The following MPPED1 variants were observed in gnomAD, a reference collection of about 807,000 sequenced individuals.
MPPED1 encodes metallophosphoesterase domain containing 1.
MPPED1 carries 16 observed loss-of-function variants against 36.2 expected under a neutral mutation model. The observed-to-expected ratio is 0.44, with a 90% confidence interval of 0.30 to 0.67. The LOEUF is 0.67. MPPED1 is among the 30% of genes least tolerant of loss of function. The pLI, the probability that MPPED1 is intolerant of heterozygous loss-of-function variation, is 0.10. For synonymous variants in MPPED1, 199 were observed against 191.3 expected (o/e 1.04, Z -0.33); for missense variants, 307 against 453.4 (o/e 0.68, Z 2.93).
Position 43,474,471 on chromosome 22 carries a change from A to G in MPPED1, c.407-265A>G, listed in dbSNP as rs1569081735. 6.6e-6 allele frequency among the ~76,000 whole-genome samples: 1 copy of G among 152,190 alleles called. No individual in the cohort carries two copies. The highest frequency in any genetic ancestry group is 2.4e-5 in the African/African-American group (1 of 41,448). ...AGCAGGTACCCCTGTCAGCGATTCC[A>G]GCAGCTTCCTCCTGCCCGCCCCTCT... On this transcript the variant is annotated intron_variant, in intron 3 of 6. Coordinates refer to ENST00000443721, the MANE Select transcript of MPPED1 (RefSeq NM_001044370.2). This position sits in a 1 kb window ranked among gnomAD's most constrained non-coding sequence, Gnocchi z 5.2.
chr22:43,431,021 A>ATTTTTTTTTTT (rs135076), intron 2 of MPPED1, among the ~76,000 whole-genome samples: 3 of 42,306 alleles, frequency 7.1e-5, no homozygotes, highest in Admixed American at 4.3e-4. Flanking sequence ...GTTGTTGTTA[A>ATTTTTTTTTTT]TTTTTTTTTT....
intron 5 of MPPED1, 113 bp downstream of exon 5, chr22:43,498,463 C>T: frequency 1.3e-6 from 1 of 742,228 alleles, no homozygotes; most frequent in Non-Finnish European, 2.1e-6. Flanking sequence ...GTTCTGAGTC[C>T]CACTTGCTGG....
intron 3 of MPPED1, among the ~76,000 whole-genome samples, chr22:43,471,330 G>C (rs1931368727): frequency 6.6e-6 from 1 of 152,210 alleles, no homozygotes; most frequent in South Asian, 2.1e-4. Flanking sequence ...CCCAACCCGA[G>C]CTGGGGGCTC....
chr22:43,506,114 G>A lies in MPPED1; in HGVS notation c.*498G>A, dbSNP rs1405961571. ...AAGTGAGGGAGGAGACAGGCCCAAG[G>A]CGGAGGCCCTCCGAGGGAGCATTTA... On this transcript the variant is annotated 3_prime_UTR_variant, in exon 7 of 7. Coordinates refer to ENST00000443721, the MANE Select transcript of MPPED1 (RefSeq NM_001044370.2). 6.5e-6 allele frequency: 1 copy of A among 153,446 alleles called. No homozygotes were observed. Among genetic ancestry groups the A allele is most frequent in the Non-Finnish European group, 1.5e-5 (1 of 68,724 alleles). 9.5% of individuals were successfully genotyped at this position (153,446 alleles called of 1,614,324 possible).
chr22:43,490,232 T>C (rs1311371449), intron 4 of MPPED1, among the ~76,000 whole-genome samples: 1 of 152,218 alleles, frequency 6.6e-6, no homozygotes, highest in Admixed American at 6.5e-5. Flanking sequence ...CATTTGGAGA[T>C]GTTCTCATGG....
rs1932791210 is a variant in MPPED1, at chr22:43,505,540, C to T, written c.905C>T (p.Ala302Val). The T allele has an allele frequency of 2.5e-6, 4 of 1,612,368 alleles. No individual in the cohort carries two copies. Among genetic ancestry groups the T allele is most frequent in the Non-Finnish European group, 3.4e-6 (4 of 1,179,324 alleles). Residue 302 changes from alanine to valine, a missense_variant, in exon 7 of 7, where the codon GCG (alanine) becomes GTG (valine). This residue lies in a region of MPPED1 where 132 missense variants were observed against 212.3 expected (regional missense o/e 0.62). Transcript: ENST00000443721. ...GATGGGACGACCACCTATGTGAATGCGTCCGTATGCACTGTGAACTACCAG... is the reference window on the plus strand; with the variant it reads ...GATGGGACGACCACCTATGTGAATGTGTCCGTATGCACTGTGAACTACCAG... ...MADGTTTYVN[A>V]SVCTVNYQPV...
chr22:43,437,661 C>T (rs1356955512), intron 3 of MPPED1, among the ~76,000 whole-genome samples: 1 of 152,222 alleles, frequency 6.6e-6, no homozygotes, highest in Non-Finnish European at 1.5e-5. Context: ...CGTGGCCCCT[C>T]TGGGCCTCAT....
intron 4 of MPPED1, among the ~76,000 whole-genome samples, chr22:43,490,229 A>G (rs1332375511): frequency 1.3e-5 from 2 of 152,120 alleles, no homozygotes; most frequent in Non-Finnish European, 2.9e-5. Context: ...ATGCATTTGG[A>G]GATGTTCTCA....
At chr22:43,495,553 G>T (rs1185851811) in intron 4 of MPPED1, among the ~76,000 whole-genome samples, 3 of 99,992 alleles carry the variant, frequency 3.0e-5, no homozygotes, top group African/African-American at 7.2e-5. Context: ...TGGTGGTGGA[G>T]ATGGTGGTGG....
intron 3 of MPPED1, 79 bp downstream of exon 3, chr22:43,435,294 G>C: frequency 6.8e-7 from 1 of 1,469,548 alleles, no homozygotes; most frequent in South Asian, 1.3e-5. Context: ...CTGCCTGCCT[G>C]CCTTTCCCTC....
intron 3 of MPPED1, among the ~76,000 whole-genome samples, chr22:43,472,685 C>A (rs1451282869): frequency 3.3e-5 from 5 of 152,230 alleles, no homozygotes; most frequent in Non-Finnish European, 7.3e-5. Flanking sequence ...TCTGCCTGTT[C>A]TGAAGAAAAC....
At chr22:43,496,148 G>C (rs1331592920) in intron 4 of MPPED1, among the ~76,000 whole-genome samples, 1 of 103,800 alleles carries the variant, frequency 9.6e-6, no homozygotes, top group Non-Finnish European at 1.8e-5. Flanking sequence ...GGTGATGGTG[G>C]AGGTGGTGGT....
At chr22:43,421,497 C>A (rs1052650717) in intron 1 of MPPED1, among the ~76,000 whole-genome samples, 1 of 152,252 alleles carries the variant, frequency 6.6e-6, no homozygotes, top group Non-Finnish European at 1.5e-5. Flanking sequence ...GGGGCAAAGA[C>A]GGGTGGGGGC....
At chr22:43,503,882 A>T (rs969967440) in intron 6 of MPPED1, among the ~76,000 whole-genome samples, 6 of 152,100 alleles carry the variant, frequency 3.9e-5, no homozygotes, top group Non-Finnish European at 8.8e-5. Context: ...TCACCCACCC[A>T]CTAACCACTC....
chr22:43,430,981 A>G, intron 2 of MPPED1, among the ~76,000 whole-genome samples: 1 of 127,904 alleles, frequency 7.8e-6, no homozygotes, highest in African/African-American at 2.8e-5. Context: ...TCTTCAAATT[A>G]TGCCCTCTTG....
At chr22:43,504,581 ATGT>A (rs1268625933) in intron 6 of MPPED1, among the ~76,000 whole-genome samples, 1 of 151,234 alleles carries the variant, frequency 6.6e-6, no homozygotes, top group Non-Finnish European at 1.5e-5. Flanking sequence ...GGTGATGATG[ATGT>A]TGATGGTGAT....
intron 4 of MPPED1, among the ~76,000 whole-genome samples, chr22:43,484,593 G>A (rs1931851722): frequency 6.6e-6 from 1 of 152,206 alleles, no homozygotes; most frequent in South Asian, 2.1e-4. Context: ...CCCCTCACAG[G>A]GCCCTGGATG....
chr22:43,431,113 C>T (rs140485244), intron 2 of MPPED1, among the ~76,000 whole-genome samples: 1 of 132,080 alleles, frequency 7.6e-6, no homozygotes, highest in African/African-American at 2.7e-5. Flanking sequence ...GCGATCTCAG[C>T]TCACTGTAAC....
chr22:43,464,708 C>A (rs946231775), intron 3 of MPPED1, among the ~76,000 whole-genome samples: 1 of 152,178 alleles, frequency 6.6e-6, no homozygotes, highest in Non-Finnish European at 1.5e-5. Context: ...GTCCTTGAGA[C>A]CCCCTGGGAC....
Sources: allele counts gnomAD v4.1 joint callset (sites outside exome capture counted in the v4.1 genomes callset), GRCh38; gene constraint gnomAD v4.1.1; regional missense constraint gnomAD v4.1.1; non-coding constraint Gnocchi (gnomAD v3.1); transcripts MANE v1.5; gene names NCBI Gene and HGNC (gene_info 2026-07-23, HGNC 2026-07-21).